The following ELOVL2 variants were observed in gnomAD, a reference collection of about 807,000 sequenced individuals.
The protein encoded by ELOVL2 is very long chain fatty acid elongase 2.
ELOVL2 carries 38 observed loss-of-function variants against 37.7 expected under a neutral mutation model. That is an observed-to-expected ratio of 1.01 (90% CI 0.78 to 1.32). ELOVL2 has a LOEUF of 1.32. Among genes scored for constraint, ELOVL2 ranks in the 40% most tolerant of loss-of-function variants. The probability of loss-of-function intolerance (pLI) is 0.00; values close to 1 mark genes in which losing one functional copy is unlikely to be tolerated. For synonymous variants in ELOVL2, 115 were observed against 122.3 expected (o/e 0.94, Z 0.40); for missense variants, 352 against 363.6 (o/e 0.97, Z 0.26).
intron 1 of ELOVL2, among the ~76,000 whole-genome samples, chr6:11,042,109 T>TA (rs796469273): frequency 6.6e-5 from 10 of 152,144 alleles, no homozygotes; most frequent in African/African-American, 2.4e-4. Flanking sequence ...GGTCAGGAGT[T>TA]AGAGACCAAA....
In ELOVL2 at chr6:10,983,900, G is replaced by A. The variant is rs191521211; in HGVS notation, c.772C>T (p.Arg258Ter). ...LFLNFYVQTY[R>*]KKPMKKDMQE... ...ATATCTTTCTTCATTGGCTTTTTTC[G>A]GTATGTCTGTTGGATGTGTATATTT... The change falls in exon 8 of 8, where the codon CGA (arginine) becomes TGA (stop). Residue 258 changes from arginine (R) to a stop codon, truncating the protein, a stop_gained. Coordinates refer to ENST00000354666, the MANE Select transcript of ELOVL2 (RefSeq NM_017770.4). LOFTEE classifies it low-confidence loss of function (END_TRUNC). 9.3e-6 allele frequency: 15 copies of A among 1,610,530 alleles called. No homozygotes were observed. Among genetic ancestry groups the A allele is most frequent in the Admixed American group, 1.7e-5 (1 of 59,380 alleles).
intron 1 of ELOVL2, among the ~76,000 whole-genome samples, chr6:11,025,488 T>C (rs1782825103): frequency 6.6e-6 from 1 of 152,188 alleles, no homozygotes; most frequent in Non-Finnish European, 1.5e-5. Flanking sequence ...ACTTCAGGCA[T>C]TTCACTCATT....
intron 1 of ELOVL2, among the ~76,000 whole-genome samples, chr6:11,036,911 AT>A (rs3839413): frequency 0.35 from 51,643 of 147,366 alleles, 10,936 homozygotes; most frequent in African/African-American, 0.6. Flanking sequence ...GCATGAGTTA[AT>A]TTTTTTTTTT....
chr6:11,023,341 T>C (rs1011331518), intron 1 of ELOVL2, among the ~76,000 whole-genome samples: 10 of 152,222 alleles, frequency 6.6e-5, no homozygotes, highest in Non-Finnish European at 1.5e-4. Context: ...GGTTGGCTAT[T>C]CTGCATGTAC....
chr6:11,023,533 T>C (rs1008433054), intron 1 of ELOVL2, among the ~76,000 whole-genome samples: 1 of 152,224 alleles, frequency 6.6e-6, no homozygotes, highest in Non-Finnish European at 1.5e-5. Flanking sequence ...ATCAAAAGGA[T>C]TATTATTTTA....
At position 11,018,962 on chromosome 6, in the gene ELOVL2, T is replaced by TG. The variant is rs1339552515; in HGVS notation, c.4-8154dup. Among the ~76,000 whole-genome samples, 6 of 152,332 alleles carry TG rather than the reference T, an allele frequency of 3.9e-5. No individual in the cohort carries two copies. The East Asian group carries it at 1.2e-3, about 29-fold the overall frequency. ...AGAAATAAAATCTCTGGGCTACTTG[T>TG]GTTTTACCTTATATTTCCTGTACCT... On this transcript the variant is annotated intron_variant, in intron 1 of 7. Transcript: ENST00000354666.
chr6:11,021,906 C>A (rs1321018438), intron 1 of ELOVL2, among the ~76,000 whole-genome samples: 1 of 152,102 alleles, frequency 6.6e-6, no homozygotes, highest in Non-Finnish European at 1.5e-5. Flanking sequence ...TGAGAGGGAG[C>A]TCATCCTAAG....
At chr6:11,026,403 G>A (rs1310831056) in intron 1 of ELOVL2, among the ~76,000 whole-genome samples, 4 of 152,142 alleles carry the variant, frequency 2.6e-5, no homozygotes, top group Admixed American at 1.3e-4. Flanking sequence ...TAGTAGTGCC[G>A]TTTGGGTCGG....
At chr6:11,033,204 C>T (rs981102968) in intron 1 of ELOVL2, among the ~76,000 whole-genome samples, 1 of 152,154 alleles carries the variant, frequency 6.6e-6, no homozygotes, top group East Asian at 1.9e-4. Flanking sequence ...TACTCCTACA[C>T]TATTTAAGTG....
At chr6:11,031,081 T>G (rs949409723) in intron 1 of ELOVL2, among the ~76,000 whole-genome samples, 1 of 152,130 alleles carries the variant, frequency 6.6e-6, no homozygotes, top group Non-Finnish European at 1.5e-5. Flanking sequence ...CATTCAAGAT[T>G]TTTTTTTGAG....
chr6:11,042,371 C>T (rs1225231839), intron 1 of ELOVL2, among the ~76,000 whole-genome samples: 1 of 150,234 alleles, frequency 6.7e-6, no homozygotes, highest in Non-Finnish European at 1.5e-5. Flanking sequence ...AAAAAAATTC[C>T]TCTGAAGACC....
intron 3 of ELOVL2, 131 bp downstream of exon 3, chr6:11,005,241 A>G (rs1782458827): frequency 4.1e-6 from 3 of 726,476 alleles, no homozygotes; most frequent in African/African-American, 1.8e-5. Context: ...AGAAAGAATA[A>G]TATCAAATGC....
chr6:10,999,529 C>G (rs1782337779), intron 4 of ELOVL2, among the ~76,000 whole-genome samples: 2 of 152,014 alleles, frequency 1.3e-5, no homozygotes, highest in Admixed American at 1.3e-4. Flanking sequence ...GTGCCCACCA[C>G]CATGCCTGGC....
At chr6:10,996,523 A>G (rs1782271121) in intron 4 of ELOVL2, among the ~76,000 whole-genome samples, 1 of 152,050 alleles carries the variant, frequency 6.6e-6, no homozygotes, top group African/African-American at 2.4e-5. Flanking sequence ...CAAAAAAATT[A>G]GTTGGGTGTG....
chr6:11,042,333 A>G (rs770804202), intron 1 of ELOVL2, among the ~76,000 whole-genome samples: 2 of 152,118 alleles, frequency 1.3e-5, no homozygotes, highest in African/African-American at 2.4e-5. Flanking sequence ...AGAAGAAAAA[A>G]GTAATACAAT....
chr6:11,035,833 A>G lies in ELOVL2; in HGVS notation c.3+8395T>C, dbSNP rs980727098. ...TTTTGTACTACAGATTTCATGAAGC[A>G]GGGGCTGTCTTTTATATTTAAATTG... On this transcript the variant is annotated intron_variant, in intron 1 of 7. Coordinates refer to ENST00000354666, the MANE Select transcript of ELOVL2 (RefSeq NM_017770.4). Among the ~76,000 whole-genome samples, 9 of 152,214 alleles carry G rather than the reference A, an allele frequency of 5.9e-5. No homozygotes were observed. In the East Asian group the frequency reaches 1.3e-3, roughly 23 times the overall value.
chr6:10,989,731 A>G lies in ELOVL2; in HGVS notation c.737T>C (p.Val246Ala). ...IFQSSYMLTL[V>A]ILFLNFYVQT... ...AACGTAAAAATTTAAGAAGAGGATGACTAACGTTAGCATATAAGATGACTG... is the reference window on the plus strand; with the variant it reads ...AACGTAAAAATTTAAGAAGAGGATGGCTAACGTTAGCATATAAGATGACTG... Residue 246 changes from valine (V) to alanine (A), a missense_variant, in exon 7 of 8, where the codon GTC becomes GCC. Transcript: ENST00000354666. 1 of 1,614,044 alleles carries G rather than the reference A, an allele frequency of 6.2e-7. No homozygotes were observed. Among genetic ancestry groups the G allele is most frequent in the South Asian group, 1.1e-5 (1 of 91,080 alleles).
chr6:10,995,907 T>C (rs1306443401), intron 4 of ELOVL2, among the ~76,000 whole-genome samples: 1 of 152,216 alleles, frequency 6.6e-6, no homozygotes, highest in Non-Finnish European at 1.5e-5. Context: ...CTAAAGTATA[T>C]ATGTTTTTTG....
chr6:10,987,135 A>G (rs925463894), intron 7 of ELOVL2, among the ~76,000 whole-genome samples: 4 of 152,140 alleles, frequency 2.6e-5, no homozygotes, highest in African/African-American at 9.7e-5. Flanking sequence ...GTTTATTTGC[A>G]TAGAGGTGTT....
Sources: allele counts gnomAD v4.1 joint callset (sites outside exome capture counted in the v4.1 genomes callset), GRCh38; gene constraint gnomAD v4.1.1; transcripts MANE v1.5; gene names NCBI Gene and HGNC (gene_info 2026-07-23, HGNC 2026-07-21).